MPHOSPH8: variants seen among roughly 807,000 people sequenced by gnomAD.
The protein encoded by MPHOSPH8 is M-phase phosphoprotein, mpp.
Under a neutral mutation model 87.3 loss-of-function variants are expected in MPHOSPH8, and 45 were observed. The ratio of observed to expected loss-of-function variants is 0.52; its 90% CI spans 0.41 to 0.66. The LOEUF is 0.66. Ranked by LOEUF, MPHOSPH8 falls within the 30% of genes least tolerant of loss-of-function variation. The pLI, the probability that MPHOSPH8 is intolerant of heterozygous loss-of-function variation, is 0.00. For missense variants in MPHOSPH8, 883 were observed against 1,020.2 expected (o/e 0.87, Z 1.83); for synonymous variants, 366 against 376.9 (o/e 0.97, Z 0.33).
chr13:19,633,912 G>T lies in MPHOSPH8; in HGVS notation c.164G>T (p.Gly55Val). The T allele has an allele frequency of 6.2e-7, 1 of 1,611,724 alleles. No homozygotes were observed. Among genetic ancestry groups the T allele is most frequent in the African/African-American group, 1.3e-5 (1 of 75,058 alleles). The change falls in exon 1 of 14, where the codon GGA becomes GTA. Residue 55 changes from glycine (G) to valine (V), a missense_variant. Physicochemically the swap from Gly to Val is moderately radical, Grantham distance 109 (BLOSUM62 -3). This residue lies in a region of MPHOSPH8 where 103 missense variants were observed against 96.3 expected (regional missense o/e 1.07). Transcript: ENST00000361479. ...AEAFGDSEED[G>V]EDVFEVEKIL... ...GCCTTTGGCGACAGTGAGGAGGACG[G>T]AGAGGATGTGTTCGAGGTGGAGAAG...
chr13:19,638,414 A>G (rs971496194), intron 1 of MPHOSPH8, among the ~76,000 whole-genome samples: 1 of 152,004 alleles, frequency 6.6e-6, no homozygotes, highest in Non-Finnish European at 1.5e-5. Flanking sequence ...GGAGATCGAG[A>G]CTATCCTGGC....
chr13:19,650,075 A>T lies in MPHOSPH8; in HGVS notation c.1391A>T (p.Asn464Ile), dbSNP rs781017378. The T allele has an allele frequency of 6.2e-7, 1 of 1,612,748 alleles. No individual in the cohort carries two copies. Among genetic ancestry groups the T allele is most frequent in the East Asian group, 2.2e-5 (1 of 44,870 alleles). The change falls in exon 5 of 14, where the codon AAT becomes ATT. Residue 464 changes from asparagine (N) to isoleucine (I), a missense_variant. By Grantham distance (149) the Asn-to-Ile change is moderately radical. Coordinates refer to ENST00000361479, the MANE Select transcript of MPHOSPH8 (RefSeq NM_017520.4). ...GAAGAAAAAAATGATGTTTCTGAGA[A>T]TAATCGGAAAAGGGAAGAAATACCA... ...TPEEKNDVSE[N>I]NRKREEIPLD...
At chr13:19,660,882 G>GC (rs1034126928) in intron 7 of MPHOSPH8, 5 of 973,422 alleles carry the variant, frequency 5.1e-6, no homozygotes, top group East Asian at 1.1e-4. Context: ...TTGATCGTAT[G>GC]CCCCCCAAAA....
chr13:19,661,730 C>T lies in MPHOSPH8; in HGVS notation c.1824C>T (p.Ala608=), dbSNP rs532688418. ...GTGGAATGACACTGGTGATGCTTGC[C>T]GCCGCCGGAGGGCAGGACGACCTCC... ...DSSGMTLVML[A]AAGGQDDLLR... The change falls in exon 8 of 14, where the codon GCC becomes GCT. Residue 608 remains alanine, a synonymous_variant. Transcript: ENST00000361479. The T allele has an allele frequency of 2.7e-5, 44 of 1,609,906 alleles. No homozygotes were observed. The highest frequency in any genetic ancestry group is 1.0e-4 in the Admixed American group (6 of 59,674).
intron 12 of MPHOSPH8, 78 bp from the exon 13 acceptor site, chr13:19,671,128 C>T (rs564350375): frequency 5.2e-6 from 8 of 1,545,412 alleles, no homozygotes; most frequent in South Asian, 1.2e-5. Flanking sequence ...ATTTATGATT[C>T]TTTTACATCA....
In MPHOSPH8 at chr13:19,671,883, G is replaced by C. The variant is rs1876150334; in HGVS notation, c.*8G>C. On this transcript the variant is annotated 3_prime_UTR_variant, in exon 14 of 14. Transcript: ENST00000361479. Reference sequence around the variant, plus strand: ...AGAGTGCAGCTGCAGTGACCAAACAGAAGGGACTGGGCGGAGTTCTCTTCA... The same window carrying C: ...AGAGTGCAGCTGCAGTGACCAAACACAAGGGACTGGGCGGAGTTCTCTTCA... 6.2e-7 allele frequency: 1 copy of C among 1,613,884 alleles called. No homozygotes were observed. Among genetic ancestry groups the C allele is most frequent in the Non-Finnish European group, 8.5e-7 (1 of 1,179,752 alleles).
chr13:19,656,593 C>G (rs1875191120), intron 5 of MPHOSPH8, among the ~76,000 whole-genome samples: 1 of 151,804 alleles, frequency 6.6e-6, no homozygotes, highest in Non-Finnish European at 1.5e-5. Context: ...AACCCCGTCT[C>G]TACTAAAAAT....
intron 5 of MPHOSPH8, among the ~76,000 whole-genome samples, chr13:19,651,527 C>CAAAA (rs61216914): frequency 1.0e-5 from 1 of 99,934 alleles, no homozygotes; most frequent in Non-Finnish European, 2.1e-5. Flanking sequence ...ACTCCACCTC[C>CAAAA]AAAAAAAAAA....
chr13:19,640,268 A>G (rs185575428), intron 1 of MPHOSPH8, among the ~76,000 whole-genome samples: 9 of 152,316 alleles, frequency 5.9e-5, no homozygotes, highest in Middle Eastern at 3.4e-3. Context: ...GATGTTGTAA[A>G]TATTAATGAT....
At chr13:19,648,058 T>C (rs980767092) in intron 3 of MPHOSPH8, among the ~76,000 whole-genome samples, 6 of 152,088 alleles carry the variant, frequency 3.9e-5, no homozygotes, top group Admixed American at 1.3e-4. Context: ...TAAAAAAGAT[T>C]ATCCATGTAA....
At chr13:19,643,431 G>A (rs749111944) in intron 2 of MPHOSPH8, among the ~76,000 whole-genome samples, 31 of 151,830 alleles carry the variant, frequency 2.0e-4, no homozygotes, top group Non-Finnish European at 3.7e-4. Context: ...CTTTTTTCCA[G>A]AGACAGGGTC....
rs76895461 is a variant in MPHOSPH8 at position 19,663,866 on chromosome 13, T to C, written c.2019+740T>C. On this transcript the variant is annotated intron_variant, in intron 9 of 13. Coordinates refer to ENST00000361479, the MANE Select transcript of MPHOSPH8 (RefSeq NM_017520.4). ...GCGGGGGCCTGCCCACAGCGCCCAT[T>C]CCAGCCGCTGTCCCCAGTAAGCAAA... Among the ~76,000 whole-genome samples the C allele has an allele frequency of 4.6e-3, 695 of 152,268 alleles. 7 individuals are homozygous for C. Among genetic ancestry groups the C allele is most frequent in the African/African-American group, 0.016 (654 of 41,546 alleles).
rs1280352907 is a variant in MPHOSPH8 at position 19,646,624 on chromosome 13, C to G, written c.551C>G (p.Pro184Arg). ...KAGKLKDKSK[P>R]DLESSLESLV... ...GGGAAGCTAAAAGACAAGTCCAAAC[C>G]AGACCTGGAGAGCTCCTTGGAAAGT... Residue 184 changes from proline to arginine, a missense_variant, in exon 3 of 14, where the codon CCA (proline) becomes CGA (arginine). Coordinates refer to ENST00000361479, the MANE Select transcript of MPHOSPH8 (RefSeq NM_017520.4). 6 of 1,586,270 alleles carry G rather than the reference C, an allele frequency of 3.8e-6. No homozygotes were observed. Among genetic ancestry groups the G allele is most frequent in the Non-Finnish European group, 5.1e-6 (6 of 1,173,668 alleles).
intron 5 of MPHOSPH8, among the ~76,000 whole-genome samples, chr13:19,658,456 C>T (rs1875321150): frequency 9.1e-6 from 1 of 110,010 alleles, no homozygotes; most frequent in Non-Finnish European, 2.0e-5. Flanking sequence ...TCGGGGAAGA[C>T]TCTAGCAATA....
rs1232610906 is a variant in MPHOSPH8 at position 19,659,059 on chromosome 13, T to C, written c.1641T>C (p.Asp547=). 1.2e-6 allele frequency: 2 copies of C among 1,614,072 alleles called. No individual in the cohort carries two copies. The highest frequency in any genetic ancestry group is 8.5e-7 in the Non-Finnish European group (1 of 1,180,030). ...AGTTGGAATGGATGAAGTTGGAAGA[T>C]TTCCAAAAGCACCTTGATGGGAAAG... is the stretch of plus-strand genomic sequence containing the variant. The part of the protein sequence containing the change: ...DLQLEWMKLE[D]FQKHLDGKDE... The change falls in exon 6 of 14, where the codon GAT becomes GAC. Residue 547 remains aspartate (D), a synonymous_variant. Coordinates refer to ENST00000361479, the MANE Select transcript of MPHOSPH8 (RefSeq NM_017520.4).
Position 19,661,837 on chromosome 13 carries a change from A to G in MPHOSPH8, c.1931A>G (p.Lys644Arg), listed in dbSNP as rs758336509. Residue 644 changes from lysine to arginine, a missense_variant and splice_region_variant, in exon 8 of 14, where the codon AAG becomes AGG. Lys to Arg is a conservative substitution (Grantham distance 26). This residue lies in a region of MPHOSPH8 where 741 missense variants were observed against 841.5 expected (regional missense o/e 0.88). Coordinates refer to ENST00000361479, the MANE Select transcript of MPHOSPH8 (RefSeq NM_017520.4). ...GTTALIHAAE[K>R]NFLTTVAILL... is the part of the protein sequence containing the mutation. ...ACCGCCCTCATTCATGCTGCAGAGA[A>G]GGTTTGTGGCTTCTTATGCATCAGT... 1.2e-6 allele frequency: 2 copies of G among 1,604,540 alleles called. No homozygotes were observed. The highest frequency in any genetic ancestry group is 2.7e-5 in the African/African-American group (2 of 74,524).
In MPHOSPH8 at chr13:19,642,685, T is replaced by TA. The variant is rs75653621; in HGVS notation, c.369+429dup. ...CAAATTATCTGGTGAGGACCTGGTT[T>TA]AAAAAAAAAAAAAACAACTTAGAAC... On this transcript the variant is annotated intron_variant, in intron 2 of 13. Transcript: ENST00000361479. Among the ~76,000 whole-genome samples, 262 of 141,996 alleles carry TA rather than the reference T, an allele frequency of 1.8e-3. 1 individual carries two copies. Among genetic ancestry groups the TA allele is most frequent in the Admixed American group, 3.3e-3 (47 of 14,058 alleles). 93.2% of individuals were successfully genotyped at this position (141,996 alleles called of 152,430 possible). A position where few individuals can be genotyped will look rare whatever the true frequency, so the allele number is the denominator to read the frequency against.
intron 13 of MPHOSPH8, 68 bp downstream of exon 13, chr13:19,671,357 T>A: frequency 1.4e-6 from 2 of 1,433,930 alleles, no homozygotes; most frequent in South Asian, 1.2e-5. Context: ...TTATCAACAT[T>A]AGAAAAAAAA....
intron 5 of MPHOSPH8, among the ~76,000 whole-genome samples, chr13:19,655,814 C>T (rs188995363): frequency 2.7e-4 from 41 of 152,220 alleles, no homozygotes; most frequent in Admixed American, 5.2e-4. Context: ...TGGAAAGGAA[C>T]GGGGAGGGGA....
Sources: allele counts gnomAD v4.1 joint callset (sites outside exome capture counted in the v4.1 genomes callset), GRCh38; gene constraint gnomAD v4.1.1; regional missense constraint gnomAD v4.1.1; transcripts MANE v1.5; gene names NCBI Gene and HGNC (gene_info 2026-07-23, HGNC 2026-07-21).